GALNT2: variants seen among roughly 807,000 people sequenced by gnomAD.
The protein encoded by GALNT2 is polypeptide N-acetylgalactosaminyltransferase 2.
In GALNT2, 31 loss-of-function variants were observed where a neutral mutation model predicts 81.4. The observed-to-expected ratio is 0.38, with a 90% CI of 0.29 to 0.51. The LOEUF is 0.51. Among genes scored for constraint, GALNT2 ranks in the 20% least tolerant of loss-of-function variants. The pLI, the probability that GALNT2 is intolerant of heterozygous loss-of-function variation, is 0.87. For synonymous variants in GALNT2, 303 were observed against 287.4 expected, an observed-to-expected ratio of 1.05 and a Z score of -0.55; for missense variants, 629 against 765.7, an observed-to-expected ratio of 0.82 and a Z score of 2.11.
chr1:230,094,742 C>T (rs1012451018), intron 1 of GALNT2, among the ~76,000 whole-genome samples: 23 of 152,136 alleles, frequency 1.5e-4, no homozygotes, highest in African/African-American at 5.1e-4. Flanking sequence ...AGAAACAGAG[C>T]CAGACAGTTT....
At chr1:230,130,650 A>G (rs1194843863) in intron 1 of GALNT2, among the ~76,000 whole-genome samples, 2 of 152,222 alleles carry the variant, frequency 1.3e-5, no homozygotes, top group African/African-American at 4.8e-5. Context: ...CAGAAGGACA[A>G]GCAGCCCGGA....
intron 3 of GALNT2, among the ~76,000 whole-genome samples, chr1:230,203,700 T>C (rs1663976245): frequency 6.6e-6 from 1 of 152,192 alleles, no homozygotes; most frequent in Non-Finnish European, 1.5e-5. Flanking sequence ...ATATTGGAAA[T>C]GTTCTAAAGA....
rs759042777 is a variant in GALNT2, at chr1:230,203,145, C to T, written c.229C>T (p.Arg77Trp). Residue 77 changes from arginine (R) to tryptophan (W), a missense_variant, in exon 3 of 16, where the codon CGG (arginine) becomes TGG (tryptophan). Transcript: ENST00000366672. ...SMETLPPGKV[R>W]WPDFNQEAYV... ...TGCTCTGCTCTTTTTAGGGAAAGTA[C>T]GGTGGCCAGACTTTAACCAGGAAGC... 5.0e-6 allele frequency: 8 copies of T among 1,613,732 alleles called. No homozygotes were observed. Among genetic ancestry groups the T allele is most frequent in the East Asian group, 4.5e-5 (2 of 44,874 alleles).
intron 1 of GALNT2, among the ~76,000 whole-genome samples, chr1:230,097,043 G>A (rs2057233): frequency 0.43 from 64,895 of 151,900 alleles, 13,863 homozygotes; most frequent in South Asian, 0.53. Flanking sequence ...GGGGGTGCAC[G>A]GTGACAAAAA....
intron 1 of GALNT2, among the ~76,000 whole-genome samples, chr1:230,124,345 T>C (rs571446113): frequency 3.0e-4 from 45 of 152,300 alleles, no homozygotes; most frequent in Middle Eastern, 3.4e-3. Context: ...GCAAGAGCTG[T>C]CTATCACCCG....
At chr1:230,213,096 G>A (rs1005672195) in intron 3 of GALNT2, among the ~76,000 whole-genome samples, 1 of 152,206 alleles carries the variant, frequency 6.6e-6, no homozygotes, top group South Asian at 2.1e-4. Context: ...TATGGTTTGG[G>A]CAAAAGCACA....
At chr1:230,172,133 T>C (rs539833842) in intron 1 of GALNT2, among the ~76,000 whole-genome samples, 2 of 152,358 alleles carry the variant, frequency 1.3e-5, no homozygotes, top group African/African-American at 4.8e-5. Flanking sequence ...TTATTTCTTA[T>C]GAACAGACTG....
At chr1:230,090,395 C>T (rs999174310) in intron 1 of GALNT2, among the ~76,000 whole-genome samples, 1 of 152,178 alleles carries the variant, frequency 6.6e-6, no homozygotes, top group Non-Finnish European at 1.5e-5. Flanking sequence ...AAGCATTGCA[C>T]ACAGCAGAGC....
chr1:230,169,313 T>C (rs1362329138), intron 1 of GALNT2, among the ~76,000 whole-genome samples: 1 of 152,216 alleles, frequency 6.6e-6, no homozygotes, highest in Non-Finnish European at 1.5e-5. Context: ...GGGGATGGGA[T>C]AGAGTGGTTC....
rs938667236 is a variant in GALNT2 at position 230,178,284 on chromosome 1, G to A, written c.193G>A (p.Ala65Thr). The A allele has an allele frequency of 1.2e-6, 2 of 1,613,950 alleles. No homozygotes were observed. The highest frequency in any genetic ancestry group is 1.3e-5 in the African/African-American group (1 of 74,938). Reference protein sequence around the residue: ...DLHHSNGEEKAQSMETLPPGK... With the variant: ...DLHHSNGEEKTQSMETLPPGK... ...TCATCACAGCAATGGAGAAGAGAAAGCACAAAGCATGGAGACCCTCCCTCC... is the reference window on the plus strand; with the variant it reads ...TCATCACAGCAATGGAGAAGAGAAAACACAAAGCATGGAGACCCTCCCTCC... Residue 65 changes from alanine (A) to threonine (T), a missense_variant, in exon 2 of 16, where the codon GCA becomes ACA. By Grantham distance (58) the Ala-to-Thr change is moderately conservative. This residue lies in a region of GALNT2 where 360 missense variants were observed against 492.8 expected (regional missense o/e 0.73). Transcript: ENST00000366672.
intron 1 of GALNT2, among the ~76,000 whole-genome samples, chr1:230,176,684 G>A (rs189340191): frequency 2.0e-4 from 31 of 152,290 alleles, no homozygotes; most frequent in Admixed American, 1.2e-3. Context: ...CAGGGTTCCC[G>A]CAAAATCAGT....
intron 1 of GALNT2, among the ~76,000 whole-genome samples, chr1:230,149,811 C>G (rs1662037386): frequency 6.6e-6 from 1 of 152,160 alleles, no homozygotes; most frequent in African/African-American, 2.4e-5. Context: ...CAAAACCTCC[C>G]TCTGGTCTTT....
At chr1:230,251,851 G>A (rs995886993) in intron 10 of GALNT2, among the ~76,000 whole-genome samples, 1 of 152,212 alleles carries the variant, frequency 6.6e-6, no homozygotes, top group Admixed American at 6.5e-5. Flanking sequence ...CATCGTGTAG[G>A]AAGAGTGTTG....
intron 1 of GALNT2, among the ~76,000 whole-genome samples, chr1:230,145,955 G>A (rs143883359): frequency 1.3e-5 from 2 of 152,358 alleles, no homozygotes; most frequent in East Asian, 3.9e-4. Flanking sequence ...GAGAGAAGAC[G>A]TTGGTCCACT....
In GALNT2 at chr1:230,225,546, T is replaced by G. The variant is rs76889235; in HGVS notation, c.375-10468T>G. Among the ~76,000 whole-genome samples, 54 of 152,292 alleles carry G rather than the reference T, an allele frequency of 3.5e-4. 2 individuals carry two copies. In the East Asian group the frequency reaches 9.3e-3, roughly 26 times the overall value. On this transcript the variant is annotated intron_variant, in intron 3 of 15. Coordinates refer to ENST00000366672, the MANE Select transcript of GALNT2 (RefSeq NM_004481.5). ...GGCTTAGGCTTGACTCTCTCTGTGT[T>G]AGGCTTCATAGTCATGGTAGACTTT...
intron 14 of GALNT2, among the ~76,000 whole-genome samples, chr1:230,266,055 G>A (rs543134600): frequency 1.8e-4 from 27 of 152,140 alleles, no homozygotes; most frequent in South Asian, 4.1e-4. Context: ...TTAGCCAAGC[G>A]TGGTGGCGGG....
chr1:230,082,722 A>C (rs1571939831), intron 1 of GALNT2, among the ~76,000 whole-genome samples: 1 of 152,248 alleles, frequency 6.6e-6, no homozygotes, highest in South Asian at 2.1e-4. Context: ...GAACATACGC[A>C]CTGGAGTGCT....
chr1:230,272,839 G>A (rs968949094), intron 14 of GALNT2, among the ~76,000 whole-genome samples: 1 of 152,186 alleles, frequency 6.6e-6, no homozygotes, highest in African/African-American at 2.4e-5. Flanking sequence ...CACAATCACA[G>A]TTCACTGCAG....
rs138691270 is a variant in GALNT2, at chr1:230,222,953, A to G, written c.375-13061A>G. On this transcript the variant is annotated intron_variant, in intron 3 of 15. Transcript: ENST00000366672. Reference sequence around the variant, plus strand: ...TACTTCTCATTTCTATGAATATTTGATGGGTATTTTTTAAAAGCTAGTAAC... The same window carrying G: ...TACTTCTCATTTCTATGAATATTTGGTGGGTATTTTTTAAAAGCTAGTAAC... Among the ~76,000 whole-genome samples the G allele has an allele frequency of 2.4e-3, 368 of 152,260 alleles. 3 individuals carry two copies. The highest frequency in any genetic ancestry group is 8.3e-3 in the African/African-American group (345 of 41,566).
Sources: gnomAD v4.1 joint callset for allele counts (sites outside exome capture counted in the v4.1 genomes callset) on GRCh38, gnomAD v4.1.1 for gene constraint, gnomAD v4.1.1 regional missense constraint, MANE v1.5 for transcripts, NCBI Gene and HGNC (gene_info 2026-07-23, HGNC 2026-07-21) for gene names.